DDX47: variants seen among roughly 807,000 people sequenced by gnomAD.
The protein encoded by DDX47 is DEAD-box helicase 47.
Under a neutral mutation model 58.8 loss-of-function variants are expected in DDX47, and 60 were observed. That is an observed-to-expected ratio of 1.02 (90% CI 0.83 to 1.26). The LOEUF is 1.26. Ranked by LOEUF, DDX47 falls within the 50% of genes most tolerant of loss-of-function variation. DDX47 has a pLI of 0.00. For synonymous variants in DDX47, 197 were observed against 204.6 expected (o/e 0.96, Z 0.32); for missense variants, 530 against 573.2 (o/e 0.92, Z 0.77).
Position 12,827,228 on chromosome 12 carries a change from G to T in DDX47, c.1107-18G>T. 5 of 1,612,742 alleles carry T rather than the reference G, an allele frequency of 3.1e-6. No individual in the cohort carries two copies. Among genetic ancestry groups the T allele is most frequent in the Non-Finnish European group, 4.2e-6 (5 of 1,179,458 alleles). On this transcript the variant is annotated intron_variant, in intron 10 of 11. Transcript: ENST00000358007. ...TGCGTTACCAGGCAACCAGAGCTGT[G>T]CAGTTTTCCTTCCTCAGGTATGATG...
At position 12,813,431 on chromosome 12, in the gene DDX47, G is replaced by A. The variant is rs748842491; in HGVS notation, c.64G>A (p.Glu22Lys). 1.2e-5 allele frequency: 20 copies of A among 1,612,446 alleles called. No homozygotes were observed. In the East Asian group the frequency reaches 3.8e-4, roughly 31 times the overall value. ...EASQPIVEEE[E>K]TKTFKDLGVT... The stretch of plus-strand genomic sequence containing the variant: ...GTCCCAGCCGATTGTGGAAGAGGAG[G>A]AAACTAAAACATTTAAAGACCTGGT... Residue 22 changes from glutamate (E) to lysine (K), a missense_variant, in exon 1 of 12, where the codon GAA becomes AAA. Transcript: ENST00000358007.
chr12:12,814,488 T>C (rs1043424368), intron 2 of DDX47: 10 of 374,050 alleles, frequency 2.7e-5, no homozygotes, highest in African/African-American at 1.7e-4. Flanking sequence ...AACGACAATC[T>C]TGGTAGACTT....
intron 2 of DDX47, among the ~76,000 whole-genome samples, chr12:12,816,926 G>A (rs1414806116): frequency 6.6e-6 from 1 of 152,152 alleles, no homozygotes; most frequent in African/African-American, 2.4e-5. Flanking sequence ...TTATTCTGAT[G>A]TTTTCAGCCA....
intron 2 of DDX47, among the ~76,000 whole-genome samples, chr12:12,817,232 T>C (rs1862910477): frequency 6.6e-6 from 1 of 152,234 alleles, no homozygotes; most frequent in Non-Finnish European, 1.5e-5. Context: ...TTAAACCTTA[T>C]AACAATGCTG....
At position 12,827,350 on chromosome 12, in the gene DDX47, C is replaced by T. The variant is rs762415203; in HGVS notation, c.1211C>T (p.Ala404Val). 8 of 1,614,192 alleles carry T rather than the reference C, an allele frequency of 5.0e-6. 1 individual carries two copies. In the Middle Eastern group the frequency reaches 4.9e-4, roughly 100 times the overall value. The change falls in exon 11 of 12, where the codon GCT (alanine) becomes GTT (valine). Residue 404 changes from alanine to valine, a missense_variant. Ala to Val is a moderately conservative substitution (Grantham distance 64). Transcript: ENST00000358007. ...GTTATGATGCTGACAGAACGCGTCGCTGAAGCCCAAAGGTTTGCCCGAATG... is the reference window on the plus strand; with the variant it reads ...GTTATGATGCTGACAGAACGCGTCGTTGAAGCCCAAAGGTTTGCCCGAATG... Reference protein sequence around the residue: ...DEVMMLTERVAEAQRFARMEL... With the variant: ...DEVMMLTERVVEAQRFARMEL...
intron 6 of DDX47, 139 bp downstream of exon 6, chr12:12,822,871 T>C (rs189935414): frequency 2.2e-5 from 16 of 743,894 alleles, no homozygotes; most frequent in Non-Finnish European, 3.6e-5. Flanking sequence ...AGGTAATTTA[T>C]ACAGAAAAGA....
chr12:12,824,734 G>A, intron 9 of DDX47, 57 bp downstream of exon 9: 22 of 1,523,870 alleles, frequency 1.4e-5, no homozygotes, highest in Non-Finnish European at 2.0e-5. Context: ...TTAATGGACT[G>A]TCTTCTGTCT....
chr12:12,827,732 G>T (rs1203670331), intron 11 of DDX47, among the ~76,000 whole-genome samples: 2 of 152,082 alleles, frequency 1.3e-5, no homozygotes, highest in Non-Finnish European at 2.9e-5. Flanking sequence ...CCTGTAAATT[G>T]GGAATAACAC....
At chr12:12,826,130 C>A in intron 10 of DDX47, 60 bp downstream of exon 10, 1 of 1,447,224 alleles carries the variant, frequency 6.9e-7, no homozygotes, top group Non-Finnish European at 9.6e-7. Context: ...TTTCAAGCCA[C>A]TGGCTGAGAA....
chr12:12,814,061 C>A, intron 1 of DDX47, 70 bp from the exon 2 acceptor site: 2 of 934,706 alleles, frequency 2.1e-6, no homozygotes, highest in Non-Finnish European at 3.6e-6. Context: ...ATGGGTCTGA[C>A]AGTCAGTTAA....
At chr12:12,826,661 G>T (rs1178541164) in intron 10 of DDX47, among the ~76,000 whole-genome samples, 2 of 152,120 alleles carry the variant, frequency 1.3e-5, no homozygotes, top group East Asian at 1.9e-4. Flanking sequence ...TGTTGGCCAG[G>T]CTGGTCTTGA....
chr12:12,821,068 C>A (rs1056577696), intron 2 of DDX47, 140 bp from the exon 3 acceptor site: 17 of 820,356 alleles, frequency 2.1e-5, no homozygotes, highest in Non-Finnish European at 3.2e-5. Flanking sequence ...CATGTCTTTT[C>A]TGTTTATTCA....
At chr12:12,821,613 A>G in intron 3 of DDX47, 42 bp from the exon 4 acceptor site, 1 of 1,592,742 alleles carries the variant, frequency 6.3e-7, no homozygotes, top group East Asian at 2.2e-5. Flanking sequence ...GACTGTGGAA[A>G]AAATTAAGGA....
intron 2 of DDX47, among the ~76,000 whole-genome samples, chr12:12,819,429 C>CAT (rs756903185): frequency 8.0e-5 from 12 of 150,692 alleles, no homozygotes; most frequent in East Asian, 5.8e-4. Context: ...TGGGACCGGG[C>CAT]ATATATATAT....
At chr12:12,814,442 C>T (rs1167490055) in intron 2 of DDX47, 6 of 473,434 alleles carry the variant, frequency 1.3e-5, no homozygotes, top group African/African-American at 9.8e-5. Flanking sequence ...CAGATGCTGA[C>T]TTTAAGGAAG....
At chr12:12,827,104 C>T in intron 10 of DDX47, 142 bp from the exon 11 acceptor site, 1 of 1,085,418 alleles carries the variant, frequency 9.2e-7, no homozygotes, top group Non-Finnish European at 1.3e-6. Context: ...TTGCACTTAA[C>T]CCATATTTAG....
In DDX47 at chr12:12,826,983, C is replaced by T. The variant is rs185517179; in HGVS notation, c.1107-263C>T. Among the ~76,000 whole-genome samples the T allele has an allele frequency of 6.9e-4, 105 of 152,230 alleles. 1 individual carries two copies. In the East Asian group the frequency reaches 0.017, roughly 24 times the overall value. On this transcript the variant is annotated intron_variant, in intron 10 of 11. Transcript: ENST00000358007. ...TGTTGTCCAGGCTGGTCTGGAACTC[C>T]TGGTCTCAAGTGATTCTCCTGCTTT...
chr12:12,824,174 T>G, intron 8 of DDX47, 158 bp downstream of exon 8: 1 of 930,910 alleles, frequency 1.1e-6, no homozygotes. Flanking sequence ...GATACTTACT[T>G]TCTCCTTTCA....
chr12:12,829,393 T>G (rs769914805), intron 11 of DDX47, 30 bp from the exon 12 acceptor site: 2 of 1,587,804 alleles, frequency 1.3e-6, no homozygotes, highest in Non-Finnish European at 8.6e-7. Flanking sequence ...TAATTCATTT[T>G]CAATCCCATC....
Sources: allele counts gnomAD v4.1 joint callset (sites outside exome capture counted in the v4.1 genomes callset), GRCh38; gene constraint gnomAD v4.1.1; transcripts MANE v1.5; gene names NCBI Gene and HGNC (gene_info 2026-07-23, HGNC 2026-07-21).